Variants in PCDHGA7 observed in about 807,000 individuals in gnomAD.
The protein encoded by PCDHGA7 is protocadherin gamma subfamily A, 7.
A neutral mutation model predicts 58.3 loss-of-function variants in PCDHGA7; 44 were observed. The ratio of observed to expected loss-of-function variants is 0.75; its 90% confidence interval spans 0.59 to 0.97. The LOEUF (loss-of-function observed/expected upper bound fraction) is 0.97. Ranked by LOEUF, PCDHGA7 falls within the 50% of genes least tolerant of loss-of-function variation. The probability of loss-of-function intolerance (pLI) is 0.00; values close to 1 mark genes in which losing one functional copy is unlikely to be tolerated. For synonymous variants in PCDHGA7, 516 were observed against 504.2 expected, an observed-to-expected ratio of 1.02 and a Z score of -0.31; for missense variants, 1,266 against 1,188.7, an observed-to-expected ratio of 1.06 and a Z score of -0.96.
Position 141,432,632 on chromosome 5 carries a change from G to T in PCDHGA7, c.2424+47309G>T. ...CTTCTCGGTGGGTCTGCACACGGGCGAGGTGCGCACGGCGCGAGCCCTGCT... is the reference window on the plus strand; with the variant it reads ...CTTCTCGGTGGGTCTGCACACGGGCTAGGTGCGCACGGCGCGAGCCCTGCT... On this transcript the variant is annotated intron_variant, in intron 1 of 3. Transcript: ENST00000518325. This position sits in a 1 kb window ranked among gnomAD's most constrained non-coding sequence, Gnocchi z 6.0. The T allele has an allele frequency of 6.2e-7, 1 of 1,612,834 alleles. No homozygotes were observed. Among genetic ancestry groups the T allele is most frequent in the South Asian group, 1.1e-5 (1 of 90,976 alleles).
intron 1 of PCDHGA7, among the ~76,000 whole-genome samples, chr5:141,407,049 C>T (rs1483952329): frequency 6.6e-6 from 1 of 152,162 alleles, no homozygotes. Context: ...TCCATAGATA[C>T]ACTGATGACT....
intron 1 of PCDHGA7, chr5:141,433,315 TCCGGTGTAACAGGGACTA>T: frequency 1.2e-6 from 1 of 856,086 alleles, no homozygotes; most frequent in Non-Finnish European, 1.8e-6. Flanking sequence ...CACCTTTGCC[TCCGGTGTAACAGGGACTA>T]CAGGTGCAAG....
At chr5:141,405,377 G>T (rs763495028) in intron 1 of PCDHGA7, 29 of 1,603,350 alleles carry the variant, frequency 1.8e-5, no homozygotes, top group Admixed American at 3.5e-5. Flanking sequence ...TTTGGTTCCG[G>T]TGAGTTCATT....
Position 141,477,020 on chromosome 5 carries a change from G to C in PCDHGA7, c.2425-17787G>C, listed in dbSNP as rs1383192345. The C allele has an allele frequency of 6.2e-7, 1 of 1,614,224 alleles. No homozygotes were observed. The highest frequency in any genetic ancestry group is 8.5e-7 in the Non-Finnish European group (1 of 1,180,048). On this transcript the variant is annotated intron_variant, in intron 1 of 3. Coordinates refer to ENST00000518325, the MANE Select transcript of PCDHGA7 (RefSeq NM_018920.4). The surrounding 1 kb of genome is among the most constrained non-coding windows in gnomAD (Gnocchi z 4.9). ...ACTATTCGCCTTAGACCTTGTAACC[G>C]GGATGCTGACAATCAAGGGTCGGCT...
In PCDHGA7 at chr5:141,477,825, C is replaced by A; in HGVS notation, c.2425-16982C>A. The A allele has an allele frequency of 2.5e-6, 4 of 1,614,174 alleles. No individual in the cohort carries two copies. The South Asian group carries it at 4.4e-5, about 18-fold the overall frequency. On this transcript the variant is annotated intron_variant, in intron 1 of 3. Transcript: ENST00000518325. This position sits in a 1 kb window ranked among gnomAD's most constrained non-coding sequence, Gnocchi z 4.9. ...GACAATGCCCCCCAGGTCCTATATC[C>A]TCGGCCAGGTGGGAGCTCGGTGGAG...
intron 1 of PCDHGA7, chr5:141,415,388 G>T: frequency 6.2e-7 from 1 of 1,614,236 alleles, no homozygotes; most frequent in Non-Finnish European, 8.5e-7. Context: ...GGCTTGACAG[G>T]TGTGTCCGGC....
At position 141,405,049 on chromosome 5, in the gene PCDHGA7, C is replaced by T. The variant is rs190786640; in HGVS notation, c.2424+19726C>T. 223 of 1,613,936 alleles carry T rather than the reference C, an allele frequency of 1.4e-4. 1 individual carries two copies. The African/African-American group carries it at 1.9e-3, about 14-fold the overall frequency. On this transcript the variant is annotated intron_variant, in intron 1 of 3. Coordinates refer to ENST00000518325, the MANE Select transcript of PCDHGA7 (RefSeq NM_018920.4). ...TCTACCTCGTTGTGGCTGTGGCAGTCGTCTCCTGTGTCTTCCTCACCTTCG... is the reference window on the plus strand; with the variant it reads ...TCTACCTCGTTGTGGCTGTGGCAGTTGTCTCCTGTGTCTTCCTCACCTTCG...
Position 141,432,226 on chromosome 5 carries a change from T to C in PCDHGA7, c.2424+46903T>C. On this transcript the variant is annotated intron_variant, in intron 1 of 3. Coordinates refer to ENST00000518325, the MANE Select transcript of PCDHGA7 (RefSeq NM_018920.4). The surrounding 1 kb of genome is among the most constrained non-coding windows in gnomAD (Gnocchi z 6.0). ...GTGAAGAGAACGCCCAGATCACTTATTCCCTGGCTGAGAACACCATCCAAG... is the reference window on the plus strand; with the variant it reads ...GTGAAGAGAACGCCCAGATCACTTACTCCCTGGCTGAGAACACCATCCAAG... 4 of 1,614,198 alleles carry C rather than the reference T, an allele frequency of 2.5e-6. No individual in the cohort carries two copies. The highest frequency in any genetic ancestry group is 3.4e-6 in the Non-Finnish European group (4 of 1,180,028).
At chr5:141,451,597 C>CAAGG (rs1434393705) in intron 1 of PCDHGA7, among the ~76,000 whole-genome samples, 3 of 152,076 alleles carry the variant, frequency 2.0e-5, no homozygotes, top group Non-Finnish European at 2.9e-5. Flanking sequence ...AAGTGACATA[C>CAAGG]AAGGCTAGGC....
rs770788893 is a variant in PCDHGA7 at position 141,403,151 on chromosome 5, G to T, written c.2424+17828G>T. On this transcript the variant is annotated intron_variant, in intron 1 of 3. Coordinates refer to ENST00000518325, the MANE Select transcript of PCDHGA7 (RefSeq NM_018920.4). ...GCTGGCGGAGCGCCGAGTCCGCATC[G>T]TCTCTAGAGGTAGGACGCAGCTTTT... 1.3e-5 allele frequency: 21 copies of T among 1,613,914 alleles called. No individual in the cohort carries two copies. In the Admixed American group the frequency reaches 3.5e-4, roughly 27 times the overall value.
chr5:141,399,309 C>CA (rs1033550021), intron 1 of PCDHGA7: 6 of 1,613,784 alleles, frequency 3.7e-6, no homozygotes, highest in African/African-American at 1.3e-5. Context: ...TCTCTTCATC[C>CA]AAAAATTCGT....
intron 1 of PCDHGA7, chr5:141,478,557 G>A (rs1316386006): frequency 1.2e-6 from 2 of 1,600,016 alleles, no homozygotes; most frequent in Non-Finnish European, 1.7e-6. Context: ...GTAAGGTTTA[G>A]CAAGTCATGC....
intron 1 of PCDHGA7, chr5:141,389,967 G>C: frequency 8.7e-6 from 14 of 1,614,046 alleles, no homozygotes; most frequent in Non-Finnish European, 1.1e-5. Context: ...GGTGGCCTTG[G>C]CCTTGATCTC....
intron 1 of PCDHGA7, among the ~76,000 whole-genome samples, chr5:141,444,175 TTTTTTTTTTTTTTG>T (rs2098423325): frequency 7.6e-6 from 1 of 131,192 alleles, no homozygotes; most frequent in African/African-American, 3.0e-5. Flanking sequence ...TTTTTTTTTT[TTTTTTTTTTTTTTG>T]AGATGGAGTT....
intron 1 of PCDHGA7, among the ~76,000 whole-genome samples, chr5:141,451,067 A>G (rs948528671): frequency 6.6e-6 from 1 of 151,848 alleles, no homozygotes; most frequent in African/African-American, 2.4e-5. Flanking sequence ...TGACCTTGTG[A>G]TCCACCCACC....
At chr5:141,405,596 A>T (rs1024672340) in intron 1 of PCDHGA7, 2 of 578,622 alleles carry the variant, frequency 3.5e-6, no homozygotes, top group Admixed American at 6.3e-5. Flanking sequence ...AGGCCTCCCA[A>T]GTAGAATAAC....
Position 141,487,125 on chromosome 5 carries a change from G to A in PCDHGA7, c.2425-7682G>A. 6.2e-7 allele frequency: 1 copy of A among 1,614,112 alleles called. No homozygotes were observed. The highest frequency in any genetic ancestry group is 8.5e-7 in the Non-Finnish European group (1 of 1,179,994). The stretch of plus-strand genomic sequence containing the variant: ...CTGGTCATTGTGGTAAAGGATAGTG[G>A]TAGTCCACCACTCTCTACCTCTGTT... On this transcript the variant is annotated intron_variant, in intron 1 of 3. Coordinates refer to ENST00000518325, the MANE Select transcript of PCDHGA7 (RefSeq NM_018920.4). This position sits in a 1 kb window ranked among gnomAD's most constrained non-coding sequence, Gnocchi z 5.0.
chr5:141,431,974 CA>C lies in PCDHGA7; in HGVS notation c.2424+46652del, dbSNP rs1419355804. The C allele has an allele frequency of 1.2e-6, 2 of 1,614,174 alleles. No individual in the cohort carries two copies. The highest frequency in any genetic ancestry group is 1.3e-5 in the African/African-American group (1 of 75,058). On this transcript the variant is annotated intron_variant, in intron 1 of 3. Transcript: ENST00000518325. This position sits in a 1 kb window ranked among gnomAD's most constrained non-coding sequence, Gnocchi z 4.8. ...CTTACGGAAATTACTATAGTTTAGT[CA>C]CAGACATAGTCTTGGATAGGGAACA... is the stretch of plus-strand genomic sequence containing the variant.
intron 1 of PCDHGA7, chr5:141,400,577 T>G: frequency 6.2e-7 from 1 of 1,611,914 alleles, no homozygotes; most frequent in East Asian, 2.2e-5. Flanking sequence ...TTTTCTGTAT[T>G]TACATGAAAC....
Sources: allele counts gnomAD v4.1 joint callset (sites outside exome capture counted in the v4.1 genomes callset), GRCh38; gene constraint gnomAD v4.1.1; non-coding constraint Gnocchi (gnomAD v3.1); transcripts MANE v1.5; gene names NCBI Gene and HGNC (gene_info 2026-07-23, HGNC 2026-07-21).